PATJ: variants seen among roughly 807,000 people sequenced by gnomAD.
The protein encoded by PATJ is inaD-like protein.
A neutral mutation model predicts 224.9 loss-of-function variants in PATJ; 190 were observed. The observed-to-expected ratio is 0.84, with a 90% CI of 0.75 to 0.95. PATJ has a LOEUF of 0.95. Ranked by LOEUF, PATJ falls within the 40% of genes least tolerant of loss-of-function variation. The pLI is 0.00. For missense variants in PATJ, 2,121 were observed against 2,270.3 expected, an observed-to-expected ratio of 0.93 and a Z score of 1.34; for synonymous variants, 769 against 820.3, an observed-to-expected ratio of 0.94 and a Z score of 1.07.
intron 28 of PATJ, among the ~76,000 whole-genome samples, chr1:61,998,084 A>G (rs1374935393): frequency 2.9e-5 from 4 of 138,010 alleles, no homozygotes; most frequent in Non-Finnish European, 6.1e-5. Flanking sequence ...TATAATATAT[A>G]TTTTTTTCTT....
intron 26 of PATJ, among the ~76,000 whole-genome samples, chr1:61,922,499 T>C (rs1674485230): frequency 6.6e-6 from 1 of 152,212 alleles, no homozygotes; most frequent in South Asian, 2.1e-4. Flanking sequence ...CCTGGCATCA[T>C]ATATATTTCT....
At chr1:61,882,857 C>A (rs543639070) in intron 21 of PATJ, among the ~76,000 whole-genome samples, 2 of 152,204 alleles carry the variant, frequency 1.3e-5, no homozygotes, top group Non-Finnish European at 2.9e-5. Flanking sequence ...TGAGCACCTG[C>A]GCCTGGCCAA....
intron 3 of PATJ, 29 bp from the exon 4 acceptor site, chr1:61,766,250 T>A (rs767634834): frequency 2.6e-5 from 37 of 1,413,858 alleles, no homozygotes; most frequent in Non-Finnish European, 3.3e-5. Flanking sequence ...TATAGATTTC[T>A]GTTGATTCTT....
intron 30 of PATJ, among the ~76,000 whole-genome samples, chr1:62,043,736 A>G (rs1308510169): frequency 6.6e-6 from 1 of 150,532 alleles, no homozygotes; most frequent in Non-Finnish European, 1.5e-5. Context: ...TGGGGGGGGC[A>G]GTTATTTTTT....
At chr1:62,147,164 TGGATGGGATGGGATATG>T (rs942914422) in intron 41 of PATJ, among the ~76,000 whole-genome samples, 13 of 152,092 alleles carry the variant, frequency 8.5e-5, no homozygotes, top group African/African-American at 2.7e-4. Flanking sequence ...ATTCATGAGA[TGGATGGGATGGGATATG>T]GGATGGGATG....
chr1:61,791,506 A>G, intron 9 of PATJ, 59 bp downstream of exon 9: 4 of 1,078,896 alleles, frequency 3.7e-6, no homozygotes, highest in Non-Finnish European at 4.2e-6. Flanking sequence ...AGGTTTCTAG[A>G]TAGTGAAATT....
At chr1:61,869,394 A>T (rs1344540016) in intron 20 of PATJ, among the ~76,000 whole-genome samples, 1 of 151,994 alleles carries the variant, frequency 6.6e-6, no homozygotes, top group African/African-American at 2.4e-5. Flanking sequence ...TATGTTGATA[A>T]TTTTTTAAAT....
At chr1:61,885,928 G>GA (rs199759349) in intron 22 of PATJ, among the ~76,000 whole-genome samples, 21,424 of 148,726 alleles carry the variant, frequency 0.14, 1,569 homozygotes, top group African/African-American at 0.17. Context: ...ATCGCAAGGA[G>GA]AAAAAACCAA....
chr1:62,089,434 T>C (rs1211337092), intron 33 of PATJ, among the ~76,000 whole-genome samples: 1 of 151,964 alleles, frequency 6.6e-6, no homozygotes, highest in East Asian at 1.9e-4. Flanking sequence ...TAATATATAG[T>C]TCTGCCTTTT....
chr1:61,827,481 A>G lies in PATJ; in HGVS notation c.1878A>G (p.Glu626=). 1.9e-6 allele frequency: 3 copies of G among 1,614,072 alleles called. 1 individual carries two copies. The South Asian group carries it at 3.3e-5, about 18-fold the overall frequency. The change falls in exon 16 of 44, where the codon GAA becomes GAG. Residue 626 remains glutamate (E), a synonymous_variant. Coordinates refer to ENST00000642238, the MANE Select transcript of PATJ (RefSeq NM_001350145.3). ...GAGAAGCAGTCTCCTTTCTTAAAGA[A>G]GTGCCACCCCCTTTTACTTTGGTTT... ...SRREAVSFLK[E]VPPPFTLVCC...
At chr1:61,865,381 T>G (rs1271798191) in intron 20 of PATJ, 1 of 151,598 alleles carries the variant, frequency 6.6e-6, no homozygotes, top group East Asian at 1.9e-4. Flanking sequence ...CCACCATGCC[T>G]GGCTAGTTTT....
chr1:62,040,386 A>G (rs1450499157), intron 30 of PATJ, among the ~76,000 whole-genome samples: 3 of 152,140 alleles, frequency 2.0e-5, no homozygotes, highest in South Asian at 2.1e-4. Context: ...CTGGGATTAC[A>G]GGCATGACCC....
rs928539613 is a variant in PATJ, at chr1:61,872,923, A to G, written c.2836-2320A>G. 3.9e-5 allele frequency among the ~76,000 whole-genome samples: 6 copies of G among 152,282 alleles called. No individual in the cohort carries two copies. In the East Asian group the frequency reaches 9.6e-4, roughly 24 times the overall value. On this transcript the variant is annotated intron_variant, in intron 20 of 43. Transcript: ENST00000642238. ...TACCTTGCCCAGCATTACCAAATTC[A>G]TAATCTACTTTGCAAAGCTGGAAGT...
intron 1 of PATJ, among the ~76,000 whole-genome samples, chr1:61,753,362 A>G (rs1200803732): frequency 2.0e-5 from 3 of 152,138 alleles, no homozygotes; most frequent in Non-Finnish European, 4.4e-5. Flanking sequence ...TTTCCCAAAG[A>G]TATTGCAAGT....
intron 17 of PATJ, among the ~76,000 whole-genome samples, chr1:61,842,763 T>TAAAAAAAAAAAAGGAA (rs767451239): frequency 1.9e-4 from 1 of 5,394 alleles, no homozygotes; most frequent in Non-Finnish European, 5.3e-4. Flanking sequence ...GAACAGCTAT[T>TAAAAAAAAAAAAGGAA]AAAAAAAAAA....
intron 28 of PATJ, among the ~76,000 whole-genome samples, chr1:62,011,369 T>A (rs1646437713): frequency 6.6e-6 from 1 of 152,192 alleles, no homozygotes. Context: ...AGGGTATTAA[T>A]TGGCCTAACT....
intron 32 of PATJ, among the ~76,000 whole-genome samples, chr1:62,080,027 CAAA>C (rs201375578): frequency 5.6e-5 from 5 of 89,110 alleles, no homozygotes; most frequent in Admixed American, 1.2e-4. Context: ...GACTCTGTCT[CAAA>C]AAAAAAAAAA....
chr1:61,899,909 A>G (rs551889652), intron 23 of PATJ, among the ~76,000 whole-genome samples: 2 of 152,388 alleles, frequency 1.3e-5, no homozygotes, highest in South Asian at 4.1e-4. Flanking sequence ...TCTAACAAGT[A>G]TAGTTTATCA....
chr1:61,884,368 T>C lies in PATJ; in HGVS notation c.3091T>C (p.Tyr1031His), dbSNP rs752028615. 20 of 1,611,456 alleles carry C rather than the reference T, an allele frequency of 1.2e-5. No homozygotes were observed. The highest frequency in any genetic ancestry group is 1.5e-5 in the Non-Finnish European group (18 of 1,179,012). ...ACGAGTTATTTCCAAGGCCTCAGCATACACAGGAATGTTGTCTTCTAGATA... is the reference window on the plus strand; with the variant it reads ...ACGAGTTATTTCCAAGGCCTCAGCACACACAGGAATGTTGTCTTCTAGATA... ...ATRVISKASA[Y>H]TGMLSSRYAT... is the part of the protein sequence containing the mutation. Residue 1031 changes from tyrosine to histidine, a missense_variant, in exon 22 of 44, where the codon TAC becomes CAC. Tyr to His is a moderately conservative substitution (Grantham distance 83). Coordinates refer to ENST00000642238, the MANE Select transcript of PATJ (RefSeq NM_001350145.3).
Sources: allele counts gnomAD v4.1 joint callset (sites outside exome capture counted in the v4.1 genomes callset), GRCh38; gene constraint gnomAD v4.1.1; transcripts MANE v1.5; gene names NCBI Gene and HGNC (gene_info 2026-07-23, HGNC 2026-07-21).